The following ABCC4 variants were observed in gnomAD, a reference collection of about 807,000 sequenced individuals.
ABCC4 encodes ATP binding cassette subfamily C member 4 (PEL blood group).
ABCC4 carries 102 observed loss-of-function variants against 168.5 expected under a neutral mutation model. The observed-to-expected ratio is 0.61, with a 90% CI of 0.52 to 0.71. The LOEUF is 0.71. ABCC4 is among the 30% of genes least tolerant of loss of function. The probability of loss-of-function intolerance (pLI) is 0.00; values close to 1 mark genes in which losing one functional copy is unlikely to be tolerated. For missense variants in ABCC4, 1,402 were observed against 1,605.8 expected, an observed-to-expected ratio of 0.87 and a Z score of 2.17; for synonymous variants, 617 against 590.7, an observed-to-expected ratio of 1.04 and a Z score of -0.65.
At chr13:95,189,802 A>T (rs933385279) in intron 9 of ABCC4, among the ~76,000 whole-genome samples, 2 of 152,204 alleles carry the variant, frequency 1.3e-5, no homozygotes, top group Non-Finnish European at 2.9e-5. Flanking sequence ...TTACACCTGC[A>T]GCTTGTGTTA....
At chr13:95,107,664 C>A (rs962738791) in intron 20 of ABCC4, among the ~76,000 whole-genome samples, 2 of 152,104 alleles carry the variant, frequency 1.3e-5, no homozygotes, top group Non-Finnish European at 1.5e-5. Context: ...TGGTGGCTCA[C>A]TCCTGTAATC....
chr13:95,057,542 A>C (rs1432020075), intron 26 of ABCC4, among the ~76,000 whole-genome samples: 1 of 151,996 alleles, frequency 6.6e-6, no homozygotes, highest in Non-Finnish European at 1.5e-5. Flanking sequence ...CCGGCCCAGT[A>C]TTTGTTTCTT....
chr13:95,053,205 C>T (rs373177614), intron 26 of ABCC4, 21 bp from the exon 27 acceptor site: 893 of 1,576,244 alleles, frequency 5.7e-4, no homozygotes, highest in Non-Finnish European at 7.3e-4. Flanking sequence ...AAAATAGTCA[C>T]GGTCATTACC....
intron 20 of ABCC4, among the ~76,000 whole-genome samples, chr13:95,099,072 T>C (rs1382716933): frequency 2.0e-5 from 3 of 152,230 alleles, no homozygotes; most frequent in South Asian, 4.1e-4. Context: ...CCATAAACAC[T>C]TCTATAAGAA....
chr13:95,099,460 A>C (rs988874381), intron 20 of ABCC4, among the ~76,000 whole-genome samples: 6 of 152,158 alleles, frequency 3.9e-5, no homozygotes, highest in Admixed American at 2.0e-4. Flanking sequence ...CCTAAAAAAA[A>C]CTGTCGATTT....
chr13:95,145,616 CAAAAAAA>C (rs1233444198), intron 19 of ABCC4, among the ~76,000 whole-genome samples: 1 of 97,076 alleles, frequency 1.0e-5, no homozygotes, highest in Non-Finnish European at 2.3e-5. Flanking sequence ...ACCCCATCTC[CAAAAAAA>C]AAAAAAAAAA....
chr13:95,117,257 A>T (rs2035411388), intron 19 of ABCC4, among the ~76,000 whole-genome samples: 1 of 47,234 alleles, frequency 2.1e-5, no homozygotes, highest in South Asian at 3.8e-4. Flanking sequence ...ATGCCTGTTA[A>T]AAAAAAAAAA....
Position 95,206,593 on chromosome 13 carries a change from A to T in ABCC4, c.1100T>A (p.Leu367His). 6.2e-7 allele frequency: 1 copy of T among 1,614,170 alleles called. No individual in the cohort carries two copies. The highest frequency in any genetic ancestry group is 8.5e-7 in the Non-Finnish European group (1 of 1,180,030). ...LYGAVRLTVTLFFPSAIERVS... is the reference protein window; with the variant it reads ...LYGAVRLTVTHFFPSAIERVS... ...CCTCTCAATGGCTGAGGGGAAGAAG[A>T]GGGTAACCGTCAGCCGCACAGCCCC... Residue 367 changes from leucine (L) to histidine (H), a missense_variant, in exon 8 of 31, where the codon CTC (leucine) becomes CAC (histidine). Leu to His is a moderately conservative substitution (Grantham distance 99). Around this residue, in one of 3 missense-constraint regions of ABCC4, gnomAD observed 78 missense variants for 133.0 expected, o/e 0.59. Coordinates refer to ENST00000645237, the MANE Select transcript of ABCC4 (RefSeq NM_005845.5).
chr13:95,180,272 G>A (rs182011028), intron 11 of ABCC4, among the ~76,000 whole-genome samples: 10 of 151,820 alleles, frequency 6.6e-5, no homozygotes, highest in East Asian at 1.9e-4. Context: ...AAGACAACGC[G>A]GCCAGGCACG....
chr13:95,070,408 G>A (rs2033685852), intron 25 of ABCC4, among the ~76,000 whole-genome samples: 1 of 152,124 alleles, frequency 6.6e-6, no homozygotes, highest in Non-Finnish European at 1.5e-5. Flanking sequence ...GAGTTGTGAG[G>A]AGAGGGGTGG....
chr13:95,168,970 G>A (rs752404717), intron 14 of ABCC4, among the ~76,000 whole-genome samples: 1 of 152,094 alleles, frequency 6.6e-6, no homozygotes, highest in Non-Finnish European at 1.5e-5. Flanking sequence ...GTGGGCCCTA[G>A]GTCCAGTGAC....
chr13:95,246,881 T>C, intron 3 of ABCC4, 94 bp downstream of exon 3: 2 of 1,434,600 alleles, frequency 1.4e-6, no homozygotes, highest in Non-Finnish European at 9.5e-7. Context: ...CACTTCTCCC[T>C]TCTGTTCCCC....
chr13:95,084,581 T>C (rs1398827519), intron 20 of ABCC4, among the ~76,000 whole-genome samples: 1 of 152,224 alleles, frequency 6.6e-6, no homozygotes, highest in Non-Finnish European at 1.5e-5. Flanking sequence ...CTCTTACATT[T>C]AGTAGCACTG....
chr13:95,159,829 C>A (rs867599601), intron 19 of ABCC4, among the ~76,000 whole-genome samples: 1 of 152,188 alleles, frequency 6.6e-6, no homozygotes, highest in Admixed American at 6.5e-5. Flanking sequence ...CCAGAACAGT[C>A]TTCTTTAATC....
intron 19 of ABCC4, among the ~76,000 whole-genome samples, chr13:95,147,772 A>T (rs2036547528): frequency 6.6e-6 from 1 of 152,294 alleles, no homozygotes; most frequent in African/African-American, 2.4e-5. Context: ...CAAAATTTCA[A>T]ACTCTCTTTC....
intron 21 of ABCC4, chr13:95,075,840 G>T: frequency 3.3e-6 from 1 of 301,804 alleles, no homozygotes; most frequent in Non-Finnish European, 6.1e-6. Flanking sequence ...CAGCCTTCCA[G>T]GTCTTCCTCC....
intron 20 of ABCC4, among the ~76,000 whole-genome samples, chr13:95,115,227 C>A (rs1040215685): frequency 6.9e-6 from 1 of 144,822 alleles, no homozygotes; most frequent in Non-Finnish European, 1.5e-5. Context: ...CTCAAGTTCA[C>A]AAACAAAAGA....
chr13:95,027,715 G>A (rs1422254242), intron 30 of ABCC4, among the ~76,000 whole-genome samples: 1 of 151,884 alleles, frequency 6.6e-6, no homozygotes, highest in Non-Finnish European at 1.5e-5. Context: ...GCATTTAGAG[G>A]AAACAAAAGG....
chr13:95,192,519 T>C (rs1348225641), intron 9 of ABCC4, among the ~76,000 whole-genome samples: 1 of 152,238 alleles, frequency 6.6e-6, no homozygotes, highest in Non-Finnish European at 1.5e-5. Flanking sequence ...AAATGGGACC[T>C]ACACAGTGTG....
Sources: allele counts gnomAD v4.1 joint callset (sites outside exome capture counted in the v4.1 genomes callset), GRCh38; gene constraint gnomAD v4.1.1; regional missense constraint gnomAD v4.1.1; transcripts MANE v1.5; gene names NCBI Gene and HGNC (gene_info 2026-07-23, HGNC 2026-07-21).